The following GRAMD4 variants were observed in gnomAD, a reference collection of about 807,000 sequenced individuals.
The protein encoded by GRAMD4 is GRAM domain-containing protein 4.
Under a neutral mutation model 83.9 loss-of-function variants are expected in GRAMD4, and 25 were observed. That is an observed-to-expected ratio of 0.30 (90% CI 0.22 to 0.42). The LOEUF is 0.42. Among genes scored for constraint, GRAMD4 ranks in the 10% least tolerant of loss-of-function variants. The pLI is 1.00. For missense variants in GRAMD4, 593 were observed against 788.7 expected (o/e 0.75, Z 2.97); for synonymous variants, 336 against 320.9 (o/e 1.05, Z -0.50).
intron 1 of GRAMD4, among the ~76,000 whole-genome samples, chr22:46,586,819 G>A (rs1303945979): frequency 6.6e-6 from 1 of 152,178 alleles, no homozygotes; most frequent in Non-Finnish European, 1.5e-5. Flanking sequence ...CTGCCCTGCA[G>A]CTGATGAGGA....
chr22:46,658,403 G>C, intron 4 of GRAMD4, 96 bp downstream of exon 4: 1 of 1,224,026 alleles, frequency 8.2e-7, no homozygotes. Context: ...ATAGCGTCTT[G>C]GCAGCATCAT....
intron 1 of GRAMD4, among the ~76,000 whole-genome samples, chr22:46,608,716 A>AT (rs1417229383): frequency 6.0e-5 from 9 of 151,104 alleles, no homozygotes; most frequent in African/African-American, 2.0e-4. Context: ...CAATATATAT[A>AT]TTTTTTTCTT....
At chr22:46,587,933 C>T (rs2081167297) in intron 1 of GRAMD4, 1 of 985,286 alleles carries the variant, frequency 1.0e-6, no homozygotes, top group African/African-American at 1.7e-5. Flanking sequence ...GGCAGACGCA[C>T]TCACATCACA....
chr22:46,668,193 G>C, intron 11 of GRAMD4, 26 bp downstream of exon 11: 2 of 1,556,622 alleles, frequency 1.3e-6, no homozygotes. Flanking sequence ...CCGGCCAGGG[G>C]TGTGTCTGCG....
intron 1 of GRAMD4, among the ~76,000 whole-genome samples, chr22:46,603,693 T>G (rs2081337847): frequency 6.6e-6 from 1 of 150,802 alleles, no homozygotes; most frequent in African/African-American, 2.4e-5. Context: ...TTTTTTTGTA[T>G]TTTTAGTAGA....
chr22:46,643,175 C>CCATGCATGCATG (rs1601620109), intron 3 of GRAMD4, among the ~76,000 whole-genome samples: 4 of 142,026 alleles, frequency 2.8e-5, no homozygotes, highest in African/African-American at 1.1e-4. Flanking sequence ...ATCCATCCAT[C>CCATGCATGCATG]CATCCATCCA....
chr22:46,681,199 T>C (rs555261813), downstream of GRAMD4, among the ~76,000 whole-genome samples: 1 of 151,966 alleles, frequency 6.6e-6, no homozygotes, highest in East Asian at 2.0e-4. Flanking sequence ...TGTGGGCCCA[T>C]GGCAGGTGTC....
rs1010084849 is a variant in GRAMD4 at position 46,621,322 on chromosome 22, C to T, written c.-50+757C>T. 1.3e-5 allele frequency among the ~76,000 whole-genome samples: 2 copies of T among 152,190 alleles called. No homozygotes were observed. The highest frequency in any genetic ancestry group is 1.5e-5 in the Non-Finnish European group (1 of 68,026). Reference sequence around the variant, plus strand: ...CCTCCCCCAAAATTCATGTCCACCTCGTACCTGTGGACCCGACCTTACTTG... The same window carrying T: ...CCTCCCCCAAAATTCATGTCCACCTTGTACCTGTGGACCCGACCTTACTTG... On this transcript the variant is annotated intron_variant, in intron 1 of 18. Transcript: ENST00000406902. This position sits in a 1 kb window ranked among gnomAD's most constrained non-coding sequence, Gnocchi z 5.8.
At chr22:46,649,182 G>A (rs948265920) in intron 3 of GRAMD4, among the ~76,000 whole-genome samples, 1 of 152,204 alleles carries the variant, frequency 6.6e-6, no homozygotes, top group Non-Finnish European at 1.5e-5. Context: ...GTCACCAGCT[G>A]GAACTGGAGT....
intron 1 of GRAMD4, among the ~76,000 whole-genome samples, chr22:46,582,750 G>T (rs374550087): frequency 4.4e-4 from 67 of 152,298 alleles, no homozygotes; most frequent in African/African-American, 1.5e-3. Flanking sequence ...TTATTGAGGT[G>T]TAATTCACAC....
At chr22:46,617,659 C>G (rs534959851), upstream of GRAMD4, among the ~76,000 whole-genome samples, 21 of 152,254 alleles carry the variant, frequency 1.4e-4, no homozygotes, top group Admixed American at 5.2e-4. Context: ...CCTGGCCCTC[C>G]CAGTCTTCCT....
In GRAMD4 at chr22:46,637,833, C is replaced by T. The variant is rs1378840429; in HGVS notation, c.163-7C>T. Reference sequence around the variant, plus strand: ...GCCCCTTTGAGCTTTTGGTGTTTTTCTTCTAGGCTGGTCCAGGGACCCTCA... The same window carrying T: ...GCCCCTTTGAGCTTTTGGTGTTTTTTTTCTAGGCTGGTCCAGGGACCCTCA... On this transcript the variant is annotated splice_region_variant and splice_polypyrimidine_tract_variant and intron_variant, in intron 2 of 18. Transcript: ENST00000406902. The T allele has an allele frequency of 6.2e-7, 1 of 1,613,862 alleles. No individual in the cohort carries two copies.
At chr22:46,657,603 G>C (rs998861838) in intron 3 of GRAMD4, among the ~76,000 whole-genome samples, 2 of 152,210 alleles carry the variant, frequency 1.3e-5, no homozygotes, top group Non-Finnish European at 2.9e-5. Flanking sequence ...TGGCCTCGCT[G>C]TGTTCCCTCC....
At chr22:46,647,403 T>C (rs771449008) in intron 3 of GRAMD4, among the ~76,000 whole-genome samples, 23 of 152,212 alleles carry the variant, frequency 1.5e-4, no homozygotes, top group Non-Finnish European at 2.5e-4. Context: ...CCAGGACAGA[T>C]CTTTGAGTAC....
chr22:46,605,379 C>G (rs554446065), intron 1 of GRAMD4, among the ~76,000 whole-genome samples: 1 of 152,374 alleles, frequency 6.6e-6, no homozygotes, highest in South Asian at 2.1e-4. Context: ...TTGCTTCACC[C>G]TTTTGGCTCT....
At chr22:46,641,120 C>T (rs1010858320) in intron 3 of GRAMD4, among the ~76,000 whole-genome samples, 1 of 152,098 alleles carries the variant, frequency 6.6e-6, no homozygotes, top group East Asian at 1.9e-4. Context: ...TCGCCCAGGC[C>T]GGAGTGCAGT....
chr22:46,633,288 G>T (rs1601599181), intron 2 of GRAMD4, among the ~76,000 whole-genome samples: 2 of 152,354 alleles, frequency 1.3e-5, no homozygotes, highest in East Asian at 3.9e-4. Flanking sequence ...CTTGTCACAG[G>T]TGGGTACTGT....
intron 1 of GRAMD4, among the ~76,000 whole-genome samples, chr22:46,586,104 G>T (rs548211337): frequency 6.6e-6 from 1 of 152,024 alleles, no homozygotes; most frequent in South Asian, 2.1e-4. Context: ...GGCTCCCCCA[G>T]TCTGGGACCT....
upstream of GRAMD4, among the ~76,000 whole-genome samples, chr22:46,576,742 A>G (rs1034025150): frequency 2.1e-4 from 32 of 151,572 alleles, no homozygotes; most frequent in Non-Finnish European, 3.7e-4. Flanking sequence ...ATCTCTAGAA[A>G]GGCGGGCGGT....
Sources: gnomAD v4.1 joint callset for allele counts (sites outside exome capture counted in the v4.1 genomes callset) on GRCh38, gnomAD v4.1.1 for gene constraint, Gnocchi (gnomAD v3.1) non-coding constraint, MANE v1.5 for transcripts, NCBI Gene and HGNC (gene_info 2026-07-23, HGNC 2026-07-21) for gene names.